The following SRGAP1 variants were observed in gnomAD, a reference collection of about 807,000 sequenced individuals.
The protein encoded by SRGAP1 is SLIT-ROBO Rho GTPase activating protein 1, also known as SLIT-ROBO Rho GTPase-activating protein 1.
In SRGAP1, 43 loss-of-function variants were observed where a neutral mutation model predicts 121.9. The observed-to-expected ratio is 0.35, with a 90% confidence interval of 0.28 to 0.46. The LOEUF (loss-of-function observed/expected upper bound fraction) is 0.46, where lower values mean the gene tolerates loss of function less well. SRGAP1 is among the 20% of genes least tolerant of loss of function. The probability of loss-of-function intolerance (pLI) is 1.00; values close to 1 mark genes in which losing one functional copy is unlikely to be tolerated. For missense variants in SRGAP1, 1,102 were observed against 1,350.9 expected, an observed-to-expected ratio of 0.82 and a Z score of 2.89; for synonymous variants, 447 against 485.4, an observed-to-expected ratio of 0.92 and a Z score of 1.04.
At chr12:63,987,171 C>T (rs1236677086) in intron 2 of SRGAP1, among the ~76,000 whole-genome samples, 2 of 152,176 alleles carry the variant, frequency 1.3e-5, no homozygotes, top group Non-Finnish European at 2.9e-5. Context: ...ATTCCTTCTC[C>T]TTTTAACCAA....
intron 1 of SRGAP1, among the ~76,000 whole-genome samples, chr12:63,847,741 G>C (rs1263982321): frequency 6.6e-6 from 1 of 152,054 alleles, no homozygotes. Context: ...GTGAGACTCT[G>C]TCTCAAGAAA....
At chr12:64,050,832 C>T (rs57394064) in intron 6 of SRGAP1, among the ~76,000 whole-genome samples, 1 of 152,178 alleles carries the variant, frequency 6.6e-6, no homozygotes, top group Non-Finnish European at 1.5e-5. Flanking sequence ...TCAAGCAGTT[C>T]TGCCTCATCC....
rs190613318 is a variant in SRGAP1 at position 63,885,285 on chromosome 12, A to G, written c.67+40402A>G. Among the ~76,000 whole-genome samples the G allele has an allele frequency of 7.2e-5, 11 of 152,194 alleles. No individual in the cohort carries two copies. The East Asian group carries it at 2.1e-3, about 30-fold the overall frequency. ...ATTAATTTGCTGGAGTGGCTCACAGAACTTAGGGAAACACGCTTACTGGTT... is the reference window on the plus strand; with the variant it reads ...ATTAATTTGCTGGAGTGGCTCACAGGACTTAGGGAAACACGCTTACTGGTT... On this transcript the variant is annotated intron_variant, in intron 1 of 21. Transcript: ENST00000355086.
intron 1 of SRGAP1, among the ~76,000 whole-genome samples, chr12:63,872,345 C>T (rs1899882854): frequency 6.6e-6 from 1 of 152,158 alleles, no homozygotes. Context: ...CCAAGAAGTG[C>T]ATCCATGAAA....
chr12:64,001,573 C>G (rs2033899046), intron 3 of SRGAP1, among the ~76,000 whole-genome samples: 1 of 152,168 alleles, frequency 6.6e-6, no homozygotes, highest in Non-Finnish European at 1.5e-5. Context: ...AGGCACAAGA[C>G]TACATGGAAG....
At chr12:64,000,611 T>C (rs1379282224) in intron 3 of SRGAP1, among the ~76,000 whole-genome samples, 1 of 151,974 alleles carries the variant, frequency 6.6e-6, no homozygotes, top group Non-Finnish European at 1.5e-5. Flanking sequence ...ACACCCTGTC[T>C]AAAAAAATCC....
In SRGAP1 at chr12:64,024,594, C is replaced by T. The variant is rs147576965; in HGVS notation, c.489+7582C>T. Among the ~76,000 whole-genome samples, 5 of 152,202 alleles carry T rather than the reference C, an allele frequency of 3.3e-5. No homozygotes were observed. The South Asian group carries it at 1.0e-3, about 32-fold the overall frequency. On this transcript the variant is annotated intron_variant, in intron 4 of 21. Transcript: ENST00000355086. ...CTAAGGATCCATGTCTTGCTCCATT[C>T]GACTTTGTTTTCTTCCTAATGAGCG...
intron 1 of SRGAP1, among the ~76,000 whole-genome samples, chr12:63,883,667 T>TC (rs1025272564): frequency 2.0e-5 from 3 of 151,212 alleles, no homozygotes; most frequent in African/African-American, 7.3e-5. Flanking sequence ...TTTTTTCTTT[T>TC]TTTTTTTTTG....
At chr12:64,142,168 A>G in intron 21 of SRGAP1, 127 bp from the exon 22 acceptor site, 1 of 917,066 alleles carries the variant, frequency 1.1e-6, no homozygotes, top group African/African-American at 1.6e-5. Context: ...CATATTCTGC[A>G]GACTATGGAG....
chr12:64,059,213 C>T (rs2035401409), intron 6 of SRGAP1, among the ~76,000 whole-genome samples: 1 of 152,134 alleles, frequency 6.6e-6, no homozygotes, highest in Non-Finnish European at 1.5e-5. Context: ...GAAACATGCA[C>T]CGATGCTTTT....
intron 21 of SRGAP1, among the ~76,000 whole-genome samples, chr12:64,140,101 A>C (rs1306532563): frequency 3.4e-5 from 5 of 146,994 alleles, no homozygotes; most frequent in South Asian, 2.3e-4. Context: ...ATTGATCTAT[A>C]TCTCTGTTTT....
At chr12:63,888,995 TCA>T (rs1900485742) in intron 1 of SRGAP1, among the ~76,000 whole-genome samples, 1 of 152,152 alleles carries the variant, frequency 6.6e-6, no homozygotes, top group Non-Finnish European at 1.5e-5. Context: ...CAGGAGAAAC[TCA>T]CACCCTTAAC....
Position 64,152,724 on chromosome 12 carries a change from T to C in SRGAP1, c.*10052T>C, listed in dbSNP as rs1197016769. On this transcript the variant is annotated 3_prime_UTR_variant, in exon 22 of 22. Transcript: ENST00000355086. ...CATCCTGACAACTGCCTGTTGAAATTATATTCATCATTCCAAACCCAACAA... is the reference window on the plus strand; with the variant it reads ...CATCCTGACAACTGCCTGTTGAAATCATATTCATCATTCCAAACCCAACAA... 1 of 152,088 alleles carries C rather than the reference T, an allele frequency of 6.6e-6. No homozygotes were observed. The highest frequency in any genetic ancestry group is 2.4e-5 in the African/African-American group (1 of 41,418). The allele number at this position is 152,088 out of a possible 1,614,324, so 9.4% of individuals were successfully genotyped here.
chr12:63,874,787 C>A (rs1899975755), intron 1 of SRGAP1, among the ~76,000 whole-genome samples: 1 of 152,042 alleles, frequency 6.6e-6, no homozygotes, highest in Non-Finnish European at 1.5e-5. Context: ...TGAGCTTTTA[C>A]TGTTGCTATG....
Position 64,000,239 on chromosome 12 carries a change from G to GGTGTGTGTGTGTGT in SRGAP1, c.426+10190_426+10203dup, listed in dbSNP as rs58289093. 8.5e-4 allele frequency among the ~76,000 whole-genome samples: 112 copies of GGTGTGTGTGTGTGT among 131,546 alleles called. 1 individual carries two copies. Among genetic ancestry groups the GGTGTGTGTGTGTGT allele is most frequent in the African/African-American group, 1.7e-3 (58 of 34,214 alleles). The allele number at this position is 131,546 out of a possible 152,430, so 86.3% of individuals were successfully genotyped here. A position where few individuals can be genotyped will look rare whatever the true frequency, so the allele number is the denominator to read the frequency against. On this transcript the variant is annotated intron_variant, in intron 3 of 21. Coordinates refer to ENST00000355086, the MANE Select transcript of SRGAP1 (RefSeq NM_020762.4). Reference sequence around the variant, plus strand: ...AAGAACATTGGTCAAGAAAGGTAGGGGTGTGTGTGTGTGTGTGTGTGTGTG... The same window carrying GGTGTGTGTGTGTGT: ...AAGAACATTGGTCAAGAAAGGTAGGGGTGTGTGTGTGTGTGTGTGTGTGTGTGTGTGTGTGTGTG...
Position 64,075,583 on chromosome 12 carries a change from G to A in SRGAP1, c.1126-3336G>A, listed in dbSNP as rs551495417. ...TTCACATCTGTTTGTTTGAAATACA[G>A]TGCTTTTAAAACCTGTGCGTGATAC... On this transcript the variant is annotated intron_variant, in intron 8 of 21. Transcript: ENST00000355086. Among the ~76,000 whole-genome samples the A allele has an allele frequency of 7.2e-5, 11 of 152,284 alleles. No homozygotes were observed. In the South Asian group the frequency reaches 8.3e-4, roughly 11 times the overall value.
chr12:64,127,274 T>C (rs1310460785), intron 19 of SRGAP1, among the ~76,000 whole-genome samples: 2 of 152,238 alleles, frequency 1.3e-5, no homozygotes, highest in African/African-American at 4.8e-5. Context: ...ATCACAGATA[T>C]GTATCCCAGG....
chr12:63,966,811 C>T (rs1370607794), intron 1 of SRGAP1, among the ~76,000 whole-genome samples: 1 of 152,112 alleles, frequency 6.6e-6, no homozygotes. Context: ...GTAAGTAAAT[C>T]GGCTCCCCTT....
At chr12:64,077,600 C>T (rs1426541707) in intron 8 of SRGAP1, among the ~76,000 whole-genome samples, 1 of 151,580 alleles carries the variant, frequency 6.6e-6, no homozygotes, top group Non-Finnish European at 1.5e-5. Context: ...TTACATTATA[C>T]TTTGATAAGC....
Sources: allele counts gnomAD v4.1 joint callset (sites outside exome capture counted in the v4.1 genomes callset), GRCh38; gene constraint gnomAD v4.1.1; transcripts MANE v1.5; gene names NCBI Gene and HGNC (gene_info 2026-07-23, HGNC 2026-07-21).